The following AHNAK variants were observed in gnomAD, a reference collection of about 807,000 sequenced individuals.
AHNAK encodes the protein neuroblast differentiation-associated protein AHNAK.
In AHNAK, 23 loss-of-function variants were observed where a neutral mutation model predicts 37.8. The ratio of observed to expected loss-of-function variants is 0.61; its 90% CI spans 0.44 to 0.86. The LOEUF is 0.86. Among genes scored for constraint, AHNAK ranks in the 40% least tolerant of loss-of-function variants. AHNAK has a pLI of 0.00. For missense variants in AHNAK, 7,411 were observed against 7,319.4 expected (o/e 1.01, Z -0.46); for synonymous variants, 2,481 against 2,636.3 (o/e 0.94, Z 1.80).
chr11:62,476,847 G>A (rs1939158651), intron 5 of AHNAK, among the ~76,000 whole-genome samples: 1 of 152,100 alleles, frequency 6.6e-6, no homozygotes, highest in African/African-American at 2.4e-5. Context: ...GTGGTCTGCT[G>A]CCAGTCTGAT....
rs1940206552 is a variant in AHNAK at position 62,520,686 on chromosome 11, C to T, written c.13731G>A (p.Lys4577=). ...AGTCAGGCATTTTAAATTTGGGGCC[C>T]TTCAGTTTCCCTTCTGGACCATGAA... is the stretch of plus-strand genomic sequence containing the variant. ...IDIHGPEGKL[K]GPKFKMPDLH... The change falls in exon 5 of 5, where the codon AAG becomes AAA. Residue 4577 remains lysine (K), a synonymous_variant. Coordinates refer to ENST00000378024, the MANE Select transcript of AHNAK (RefSeq NM_001620.3). The T allele has an allele frequency of 6.2e-7, 1 of 1,614,114 alleles. No homozygotes were observed. The highest frequency in any genetic ancestry group is 8.5e-7 in the Non-Finnish European group (1 of 1,180,032).
chr11:62,463,700 T>C (rs904636558), intron 5 of AHNAK, among the ~76,000 whole-genome samples: 6 of 151,888 alleles, frequency 4.0e-5, no homozygotes, highest in African/African-American at 1.5e-4. Context: ...ACTTGCTGGG[T>C]TTTTGGTTTT....
At position 62,526,305 on chromosome 11, in the gene AHNAK, G is replaced by A; in HGVS notation, c.8112C>T (p.Ala2704=). Residue 2704 remains alanine, a synonymous_variant, in exon 5 of 5, where the codon GCC becomes GCT. Transcript: ENST00000378024. The part of the protein sequence containing the change: ...KFKMPEMNIK[A]PKISMPDIDL... Reference sequence around the variant, plus strand: ...CAATATCAGGCATGGAGATCTTGGGGGCTTTGATATTCATCTCTGGCATCT... The same window carrying A: ...CAATATCAGGCATGGAGATCTTGGGAGCTTTGATATTCATCTCTGGCATCT... 6.2e-7 allele frequency: 1 copy of A among 1,613,688 alleles called. No individual in the cohort carries two copies.
At chr11:62,457,382 A>G (rs1206031624) in intron 5 of AHNAK, among the ~76,000 whole-genome samples, 1 of 151,594 alleles carries the variant, frequency 6.6e-6, no homozygotes, top group Non-Finnish European at 1.5e-5. Flanking sequence ...CGGGAGGCAG[A>G]GGTTGAAGTG....
At chr11:62,475,098 T>A in intron 5 of AHNAK, among the ~76,000 whole-genome samples, 1 of 151,998 alleles carries the variant, frequency 6.6e-6, no homozygotes, top group East Asian at 1.9e-4. Context: ...AGGTCAGGAG[T>A]TCGAGACCAA....
chr11:62,437,835 C>CAA (rs1469390539), intron 5 of AHNAK, among the ~76,000 whole-genome samples: 1 of 152,146 alleles, frequency 6.6e-6, no homozygotes, highest in Non-Finnish European at 1.5e-5. Context: ...TTGGTATTGT[C>CAA]AGTCTTTTCA....
chr11:62,462,275 T>C (rs947543535), intron 5 of AHNAK, among the ~76,000 whole-genome samples: 33 of 137,808 alleles, frequency 2.4e-4, no homozygotes, highest in South Asian at 5.3e-4. Context: ...TCATCTCAAC[T>C]CTCTGGTCCT....
rs145795117 is a variant in AHNAK at position 62,522,752 on chromosome 11, C to A, written c.11665G>T (p.Gly3889Cys). Residue 3889 changes from glycine to cysteine, a missense_variant, in exon 5 of 5, where the codon GGT becomes TGT. Physicochemically the swap from Gly to Cys is radical, Grantham distance 159. Transcript: ENST00000378024. ...TTTGGCAGAGACACATCCATATCAC[C>A]CTTCACTTTGGGTCCTTTCAGGTTA... Reference protein sequence around the residue: ...DLNLKGPKVKGDMDVSLPKVE... With the variant: ...DLNLKGPKVKCDMDVSLPKVE... 17 of 1,613,334 alleles carry A rather than the reference C, an allele frequency of 1.1e-5. No individual in the cohort carries two copies. Among genetic ancestry groups the A allele is most frequent in the Non-Finnish European group, 1.4e-5 (16 of 1,179,900 alleles).
At chr11:62,542,325 G>A (rs567686847) in intron 1 of AHNAK, among the ~76,000 whole-genome samples, 1 of 152,186 alleles carries the variant, frequency 6.6e-6, no homozygotes, top group South Asian at 2.1e-4. Context: ...TTGTGTGTGT[G>A]CACCTGCCTG....
In AHNAK at chr11:62,518,133, C is replaced by A. The variant is rs1940092903; in HGVS notation, c.16284G>T (p.Gln5428His). Reference sequence around the variant, plus strand: ...CTGGCCCCTTCAGTTCGCCAGAAACCTGTGGCCCCTTGGCATTGACGTGCA... The same window carrying A: ...CTGGCCCCTTCAGTTCGCCAGAAACATGTGGCCCCTTGGCATTGACGTGCA... ...SDLHVNAKGP[Q>H]VSGELKGPGV... The change falls in exon 5 of 5, where the codon CAG becomes CAT. Residue 5428 changes from glutamine (Q) to histidine (H), a missense_variant. Coordinates refer to ENST00000378024, the MANE Select transcript of AHNAK (RefSeq NM_001620.3). 1.2e-6 allele frequency: 2 copies of A among 1,614,222 alleles called. No homozygotes were observed. Among genetic ancestry groups the A allele is most frequent in the Non-Finnish European group, 1.7e-6 (2 of 1,180,038 alleles).
chr11:62,525,399 A>G lies in AHNAK; in HGVS notation c.9018T>C (p.Ile3006=), dbSNP rs750068596. 5 of 1,612,930 alleles carry G rather than the reference A, an allele frequency of 3.1e-6. No individual in the cohort carries two copies. In the African/African-American group the frequency reaches 5.4e-5, roughly 17 times the overall value. The change falls in exon 5 of 5, where the codon ATT becomes ATC. Residue 3006 remains isoleucine, a synonymous_variant. Coordinates refer to ENST00000378024, the MANE Select transcript of AHNAK (RefSeq NM_001620.3). ...EVDIRGPQVD[I]DVPDVGVQGP... ...CTTGAACGCCCACATCCGGGACATC[A>G]ATGTCCACTTGGGGACCCCTGATGT...
At chr11:62,476,442 G>A (rs1323554741) in intron 5 of AHNAK, among the ~76,000 whole-genome samples, 11 of 152,134 alleles carry the variant, frequency 7.2e-5, no homozygotes, top group African/African-American at 1.4e-4. Context: ...GAGGAGCGTC[G>A]TGGCGCCAGC....
chr11:62,499,866 G>A (rs1939683293), intron 4 of AHNAK, among the ~76,000 whole-genome samples: 1 of 152,252 alleles, frequency 6.6e-6, no homozygotes, highest in Admixed American at 6.5e-5. Flanking sequence ...AAAATGGGGA[G>A]ATCACATCTC....
rs779809169 is a variant in AHNAK at position 62,528,819 on chromosome 11, G to A, written c.5598C>T (p.Gly1866=). 4 of 1,612,464 alleles carry A rather than the reference G, an allele frequency of 2.5e-6. 1 individual carries two copies. The East Asian group carries it at 8.9e-5, about 36-fold the overall frequency. Reference sequence around the variant, plus strand: ...CATCCGCATCCCCTTTGACTTTGGGGCCTTTCAGGTGTAAGTCCACATCAG... The same window carrying A: ...CATCCGCATCCCCTTTGACTTTGGGACCTTTCAGGTGTAAGTCCACATCAG... The part of the protein sequence containing the change: ...SMPDVDLHLK[G]PKVKGDADVS... The change falls in exon 5 of 5, where the codon GGC becomes GGT. Residue 1866 remains glycine, a synonymous_variant. Transcript: ENST00000378024.
At chr11:62,436,765 T>C (rs1938180622) in intron 5 of AHNAK, among the ~76,000 whole-genome samples, 1 of 151,242 alleles carries the variant, frequency 6.6e-6, no homozygotes, top group Non-Finnish European at 1.5e-5. Flanking sequence ...TGAAACCCAG[T>C]CTCTACCAAA....
chr11:62,474,756 C>T (rs1374345876), intron 5 of AHNAK, among the ~76,000 whole-genome samples: 1 of 152,178 alleles, frequency 6.6e-6, no homozygotes, highest in African/African-American at 2.4e-5. Context: ...ACACTGAGCA[C>T]CCCGTGCTGG....
intron 5 of AHNAK, among the ~76,000 whole-genome samples, chr11:62,472,371 C>T (rs1939052494): frequency 6.6e-6 from 1 of 152,122 alleles, no homozygotes; most frequent in African/African-American, 2.4e-5. Context: ...ACTGACCCTC[C>T]CTGCATGGGC....
At chr11:62,456,700 G>A (rs939693405) in intron 5 of AHNAK, among the ~76,000 whole-genome samples, 1 of 152,172 alleles carries the variant, frequency 6.6e-6, no homozygotes, top group Non-Finnish European at 1.5e-5. Context: ...TCCCACAGCA[G>A]AGCCCTGCCT....
Position 62,529,249 on chromosome 11 carries a change from G to A in AHNAK, c.5168C>T (p.Pro1723Leu). The change falls in exon 5 of 5, where the codon CCT becomes CTT. Residue 1723 changes from proline to leucine, a missense_variant. Coordinates refer to ENST00000378024, the MANE Select transcript of AHNAK (RefSeq NM_001620.3). ...PKMKMPKFSM[P>L]GFKAEGPEVD... ...TTCAGGGCCCTCTGCTTTGAAGCCA[G>A]GCATACTGAACTTGGGCATTTTCAT... is the stretch of plus-strand genomic sequence containing the variant. The A allele has an allele frequency of 6.2e-7, 1 of 1,614,162 alleles. No individual in the cohort carries two copies. Among genetic ancestry groups the A allele is most frequent in the African/African-American group, 1.3e-5 (1 of 75,036 alleles).
Sources: allele counts gnomAD v4.1 joint callset (sites outside exome capture counted in the v4.1 genomes callset), GRCh38; gene constraint gnomAD v4.1.1; transcripts MANE v1.5; gene names NCBI Gene and HGNC (gene_info 2026-07-23, HGNC 2026-07-21).